The following NXPE2 variants were observed in gnomAD, a reference collection of about 807,000 sequenced individuals.
NXPE2 encodes the protein neurexophilin and PC-esterase domain family member 2, also known as NXPE family member 2.
Under a neutral mutation model 34.4 loss-of-function variants are expected in NXPE2, and 34 were observed. The observed-to-expected ratio is 0.99, with a 90% CI of 0.75 to 1.31. NXPE2 has a LOEUF of 1.31. NXPE2 is among the 40% of genes most tolerant of loss of function. The pLI, the probability that NXPE2 is intolerant of heterozygous loss-of-function variation, is 0.00. For synonymous variants in NXPE2, 235 were observed against 231.3 expected, an observed-to-expected ratio of 1.02 and a Z score of -0.15; for missense variants, 649 against 672.5, an observed-to-expected ratio of 0.97 and a Z score of 0.39.
upstream of NXPE2, among the ~76,000 whole-genome samples, chr11:114,674,991 G>T (rs1194799759): frequency 6.6e-6 from 1 of 151,766 alleles, no homozygotes; most frequent in Non-Finnish European, 1.5e-5. Flanking sequence ...TGCAAGGATG[G>T]TTCAACATAC....
chr11:114,602,632 G>T, the NXPE2 span, among the ~76,000 whole-genome samples: 9 of 139,392 alleles, frequency 6.5e-5, no homozygotes, highest in Non-Finnish European at 1.1e-4. Context: ...ATAAATTATA[G>T]ATTCATATAT....
intron 2 of NXPE2, 127 bp downstream of exon 2, chr11:114,679,889 G>T: frequency 1.7e-6 from 1 of 590,870 alleles, no homozygotes; most frequent in Non-Finnish European, 3.0e-6. Context: ...TGGATCAGGG[G>T]TTCACTGTTC....
chr11:114,754,676 G>C, the NXPE2 span, among the ~76,000 whole-genome samples: 1 of 152,148 alleles, frequency 6.6e-6, no homozygotes, highest in African/African-American at 2.4e-5. Context: ...CCTTGGGCTG[G>C]TGGTGGGTAT....
the NXPE2 span, among the ~76,000 whole-genome samples, chr11:114,507,247 C>CAA: frequency 0.015 from 1,351 of 91,370 alleles, 22 homozygotes; most frequent in African/African-American, 0.04. Flanking sequence ...GCCAACCAAC[C>CAA]AAAAAAAAAA....
chr11:114,736,123 G>T, the NXPE2 span, among the ~76,000 whole-genome samples: 1 of 152,130 alleles, frequency 6.6e-6, no homozygotes, highest in East Asian at 1.9e-4. Flanking sequence ...GAGGCAGGGC[G>T]AGATCACAGG....
At chr11:114,525,729 T>C in the NXPE2 span, among the ~76,000 whole-genome samples, 1 of 152,216 alleles carries the variant, frequency 6.6e-6, no homozygotes, top group Non-Finnish European at 1.5e-5. Context: ...GTTCTGCTTC[T>C]GTAAGCTTGC....
At chr11:114,498,544 G>C in the NXPE2 span, among the ~76,000 whole-genome samples, 5 of 152,132 alleles carry the variant, frequency 3.3e-5, no homozygotes, top group African/African-American at 1.2e-4. Flanking sequence ...TGAGCACACT[G>C]CTCTTCTTCC....
the NXPE2 span, among the ~76,000 whole-genome samples, chr11:114,801,033 C>A: frequency 7.4e-6 from 1 of 135,886 alleles, no homozygotes; most frequent in Non-Finnish European, 1.6e-5. Context: ...ATGAGAGAAA[C>A]CCAGCTATAT....
the NXPE2 span, among the ~76,000 whole-genome samples, chr11:114,804,238 A>G: frequency 2.0e-5 from 3 of 152,178 alleles, no homozygotes; most frequent in Non-Finnish European, 4.4e-5. Context: ...TCTGCTCCCT[A>G]TTCCCATAGT....
the NXPE2 span, among the ~76,000 whole-genome samples, chr11:114,603,755 T>G: frequency 4.1e-5 from 6 of 146,774 alleles, no homozygotes; most frequent in East Asian, 2.0e-4. Flanking sequence ...GATAAGTATT[T>G]CCTCGTCTCC....
the NXPE2 span, among the ~76,000 whole-genome samples, chr11:114,741,211 C>T: frequency 7.3e-6 from 1 of 136,066 alleles, no homozygotes; most frequent in Non-Finnish European, 1.6e-5. Flanking sequence ...ATGGGGAATT[C>T]CCATGTATTT....
At chr11:114,466,975 T>C in the NXPE2 span, among the ~76,000 whole-genome samples, 4 of 152,210 alleles carry the variant, frequency 2.6e-5, no homozygotes, top group Admixed American at 2.0e-4. Context: ...ACACATCTAT[T>C]TAGACAGCTT....
the NXPE2 span, among the ~76,000 whole-genome samples, chr11:114,784,245 A>G: frequency 6.6e-6 from 1 of 152,238 alleles, no homozygotes; most frequent in Non-Finnish European, 1.5e-5. Context: ...GAGACCTTCC[A>G]TTGCAACTTG....
chr11:114,801,686 AGGCAGAT>A, the NXPE2 span, among the ~76,000 whole-genome samples: 1 of 151,740 alleles, frequency 6.6e-6, no homozygotes, highest in African/African-American at 2.4e-5. Flanking sequence ...GAAAAGGAGT[AGGCAGAT>A]GGGAGATTTA....
At chr11:114,802,389 TC>T in the NXPE2 span, among the ~76,000 whole-genome samples, 1 of 152,206 alleles carries the variant, frequency 6.6e-6, no homozygotes, top group Non-Finnish European at 1.5e-5. Context: ...TTAGAAAAAG[TC>T]TTCCTCCCAA....
chr11:114,634,945 G>A, the NXPE2 span, among the ~76,000 whole-genome samples: 1 of 151,930 alleles, frequency 6.6e-6, no homozygotes, highest in Admixed American at 6.6e-5. Context: ...TTGGTGATGA[G>A]GGCCCTTTTT....
chr11:114,522,181 T>C, the NXPE2 span: 1 of 1,614,128 alleles, frequency 6.2e-7, no homozygotes, highest in Non-Finnish European at 8.5e-7. Context: ...TGATGTTTTC[T>C]GTCTTAATAA....
chr11:114,693,484 C>T (rs79225452), intron 2 of NXPE2, among the ~76,000 whole-genome samples: 2,834 of 152,218 alleles, frequency 0.019, 84 homozygotes, highest in African/African-American at 0.065. Flanking sequence ...TGTCCACGTC[C>T]CAGACTGTCC....
chr11:114,708,864 A>T (rs1002348779), downstream of NXPE2, among the ~76,000 whole-genome samples: 1 of 152,190 alleles, frequency 6.6e-6, no homozygotes, highest in Non-Finnish European at 1.5e-5. Flanking sequence ...TCCCATGAAG[A>T]CCATCTCAAA....
Sources: gnomAD v4.1 joint callset for allele counts (sites outside exome capture counted in the v4.1 genomes callset) on GRCh38, gnomAD v4.1.1 for gene constraint, MANE v1.5 for transcripts, NCBI Gene and HGNC (gene_info 2026-07-23, HGNC 2026-07-21) for gene names.